The following DUSP8 variants were observed in gnomAD, a reference collection of about 807,000 sequenced individuals.
DUSP8 encodes the protein dual specificity protein phosphatase 8.
A neutral mutation model predicts 38.7 loss-of-function variants in DUSP8; 15 were observed. The observed-to-expected ratio is 0.39, with a 90% CI of 0.26 to 0.60. The LOEUF (loss-of-function observed/expected upper bound fraction) is 0.60. DUSP8 is among the 20% of genes least tolerant of loss of function. DUSP8 has a pLI of 0.56. For missense variants in DUSP8, 768 were observed against 915.0 expected (o/e 0.84, Z 2.07); for synonymous variants, 458 against 433.9 (o/e 1.06, Z -0.69).
In DUSP8 at chr11:1,563,503, G is replaced by A. The variant is rs540716507; in HGVS notation, c.370+348C>T. On this transcript the variant is annotated intron_variant, in intron 3 of 6. Coordinates refer to ENST00000397374, the MANE Select transcript of DUSP8 (RefSeq NM_004420.3). Reference sequence around the variant, plus strand: ...CTCAGCTGGGCTTTCGGAGGTGGGGGGACTTCCTCGGGACCCCACGGCTCC... The same window carrying A: ...CTCAGCTGGGCTTTCGGAGGTGGGGAGACTTCCTCGGGACCCCACGGCTCC... Among the ~76,000 whole-genome samples the A allele has an allele frequency of 3.3e-5, 5 of 152,164 alleles. No individual in the cohort carries two copies. The South Asian group carries it at 8.3e-4, about 25-fold the overall frequency.
At chr11:1,562,669 ACACACATACATGCATGCACATG>A (rs1477175813) in intron 3 of DUSP8, among the ~76,000 whole-genome samples, 2 of 149,348 alleles carry the variant, frequency 1.3e-5, no homozygotes, top group Non-Finnish European at 3.0e-5. Flanking sequence ...ATGTACATGC[ACACACATACATGCATGCACATG>A]CACACACACA....
chr11:1,571,029 C>T (rs1332507267), intron 1 of DUSP8, among the ~76,000 whole-genome samples: 2 of 152,044 alleles, frequency 1.3e-5, no homozygotes, highest in Admixed American at 6.5e-5. Flanking sequence ...CCCCGCCCCC[C>T]ATCACTGCAG....
chr11:1,570,872 G>A (rs573602383), intron 1 of DUSP8, among the ~76,000 whole-genome samples: 3 of 152,100 alleles, frequency 2.0e-5, no homozygotes, highest in Non-Finnish European at 4.4e-5. Context: ...GGAGAGTGCC[G>A]GGGTTTGGAT....
In DUSP8 at chr11:1,557,399, G is replaced by A; in HGVS notation, c.997C>T (p.Pro333Ser). The part of the protein sequence containing the change: ...PAAGAPLPRL[P>S]PPTSESAATG... The stretch of plus-strand genomic sequence containing the variant: ...GCAGCGCTCTCTGAGGTAGGTGGTG[G>A]CAGCCGTGGCAGCGGGGCCCCGGCG... The change falls in exon 7 of 7, where the codon CCA becomes TCA. Residue 333 changes from proline (P) to serine (S), a missense_variant. Physicochemically the swap from Pro to Ser is moderately conservative, Grantham distance 74. Around this residue, in one of 3 missense-constraint regions of DUSP8, gnomAD observed 474 missense variants for 430.8 expected, o/e 1.10. Coordinates refer to ENST00000397374, the MANE Select transcript of DUSP8 (RefSeq NM_004420.3). The surrounding 1 kb of genome is among the most constrained non-coding windows in gnomAD (Gnocchi z 9.9). 1 of 1,568,502 alleles carries A rather than the reference G, an allele frequency of 6.4e-7. No homozygotes were observed.
chr11:1,566,664 C>T (rs536957310), intron 1 of DUSP8, among the ~76,000 whole-genome samples: 33 of 152,302 alleles, frequency 2.2e-4, no homozygotes, highest in South Asian at 6.2e-4. Flanking sequence ...CCTGCAGGGG[C>T]GTGTTGCACC....
At position 1,558,053 on chromosome 11, in the gene DUSP8, A is replaced by C; in HGVS notation, c.697+59T>G. 6.2e-7 allele frequency: 1 copy of C among 1,611,454 alleles called. No homozygotes were observed. Among genetic ancestry groups the C allele is most frequent in the African/African-American group, 1.3e-5 (1 of 74,986 alleles). On this transcript the variant is annotated intron_variant, in intron 5 of 6. Transcript: ENST00000397374. This position sits in a 1 kb window ranked among gnomAD's most constrained non-coding sequence, Gnocchi z 6.3. Reference sequence around the variant, plus strand: ...GGGGACCCCTCCTGTGTCTGTGGCCACACACAGCTCTAGCCTTCCTCTAGC... The same window carrying C: ...GGGGACCCCTCCTGTGTCTGTGGCCCCACACAGCTCTAGCCTTCCTCTAGC...
In DUSP8 at chr11:1,558,198, C is replaced by A; in HGVS notation, c.611G>T (p.Cys204Phe). ...SNSCPKPDFI[C>F]ESRFMRVPIN... ...GGGGACCCGCATGAAGCGGCTCTCG[C>A]AGATGAAGTCAGGCTTGGGGCAGGA... Residue 204 changes from cysteine to phenylalanine, a missense_variant, in exon 5 of 7, where the codon TGC becomes TTC. By Grantham distance (205) the Cys-to-Phe change is radical (BLOSUM62 -2). Coordinates refer to ENST00000397374, the MANE Select transcript of DUSP8 (RefSeq NM_004420.3). This position sits in a 1 kb window ranked among gnomAD's most constrained non-coding sequence, Gnocchi z 6.3. 3 of 1,604,890 alleles carry A rather than the reference C, an allele frequency of 1.9e-6. No homozygotes were observed. Among genetic ancestry groups the A allele is most frequent in the Non-Finnish European group, 2.5e-6 (3 of 1,178,210 alleles).
At chr11:1,572,437 G>A (rs531497421), upstream of DUSP8, among the ~76,000 whole-genome samples, 106 of 149,622 alleles carry the variant, frequency 7.1e-4, 1 homozygote, top group African/African-American at 2.5e-3. This position sits in a 1 kb window ranked among gnomAD's most constrained non-coding sequence, Gnocchi z 4.7. Context: ...CGCGGGGGGG[G>A]GGCGGGGTGC....
chr11:1,555,498 G>A lies in DUSP8; in HGVS notation c.*1020C>T. The A allele has an allele frequency of 2.5e-6, 1 of 403,842 alleles. No homozygotes were observed. Among genetic ancestry groups the A allele is most frequent in the Non-Finnish European group, 3.3e-6 (1 of 298,848 alleles). The allele number at this position is 403,842 out of a possible 1,614,324, so 25.0% of individuals were successfully genotyped here. On this transcript the variant is annotated 3_prime_UTR_variant, in exon 7 of 7. Coordinates refer to ENST00000397374, the MANE Select transcript of DUSP8 (RefSeq NM_004420.3). ...TGGGGCATGGCTGGGAGGGGGGCGG[G>A]GCAGACCTGGAACAGAACCCTAAGA...
chr11:1,558,955 G>A lies in DUSP8; in HGVS notation c.471C>T (p.Pro157=), dbSNP rs776895482. ...MSLSQPCLPV[P]SVGLTRILPH... ...GCAGGATGCGGGTCAGGCCCACGCT[G>A]GGCACAGGCAGGCAGGGCTGGGAGA... The change falls in exon 4 of 7, where the codon CCC becomes CCT. Residue 157 remains proline, a synonymous_variant. Transcript: ENST00000397374. This position sits in a 1 kb window ranked among gnomAD's most constrained non-coding sequence, Gnocchi z 6.3. 6 of 1,613,022 alleles carry A rather than the reference G, an allele frequency of 3.7e-6. No individual in the cohort carries two copies. Among genetic ancestry groups the A allele is most frequent in the Admixed American group, 1.7e-5 (1 of 60,012 alleles).
chr11:1,560,152 G>A (rs900118176), intron 3 of DUSP8, among the ~76,000 whole-genome samples: 2 of 152,114 alleles, frequency 1.3e-5, no homozygotes, highest in Non-Finnish European at 2.9e-5. Flanking sequence ...CAGAACATAA[G>A]CCCCCATGGC....
In DUSP8 at chr11:1,563,663, T is replaced by C. The variant is rs1207683482; in HGVS notation, c.370+188A>G. On this transcript the variant is annotated intron_variant, in intron 3 of 6. Transcript: ENST00000397374. ...TGTACTGTGAGGTTTCCTTCTGTGT[T>C]GAGGATAGTCATATTGGTGGGTCCT... Among the ~76,000 whole-genome samples the C allele has an allele frequency of 2.0e-5, 3 of 152,118 alleles. No individual in the cohort carries two copies. In the East Asian group the frequency reaches 5.8e-4, roughly 29 times the overall value.
At chr11:1,569,283 C>T (rs965845178) in intron 1 of DUSP8, among the ~76,000 whole-genome samples, 2 of 152,110 alleles carry the variant, frequency 1.3e-5, no homozygotes, top group Non-Finnish European at 2.9e-5. Flanking sequence ...AAGGCTCCTC[C>T]CAGGCCCACA....
At chr11:1,572,430 G>A (rs1312415225), upstream of DUSP8, among the ~76,000 whole-genome samples, 1 of 114,130 alleles carries the variant, frequency 8.8e-6, no homozygotes, top group African/African-American at 3.0e-5. The surrounding 1 kb of genome is among the most constrained non-coding windows in gnomAD (Gnocchi z 4.7). Flanking sequence ...CGGCTGCCGC[G>A]GGGGGGGGGC....
chr11:1,557,596 C>G lies in DUSP8; in HGVS notation c.822-22G>C. 6.6e-7 allele frequency: 1 copy of G among 1,508,812 alleles called. No individual in the cohort carries two copies. Among genetic ancestry groups the G allele is most frequent in the Non-Finnish European group, 8.8e-7 (1 of 1,135,194 alleles). The allele number at this position is 1,508,812 out of a possible 1,614,324, so 93.5% of individuals were successfully genotyped here. A position where few individuals can be genotyped will look rare whatever the true frequency, so the allele number is the denominator to read the frequency against. On this transcript the variant is annotated intron_variant, in intron 6 of 6. Transcript: ENST00000397374. This position sits in a 1 kb window ranked among gnomAD's most constrained non-coding sequence, Gnocchi z 9.9. Reference sequence around the variant, plus strand: ...GAACCTGCGGGGGAGGAGGCTCAGTCCCAGGCGCCCGCCGGGGCCAGGCTG... The same window carrying G: ...GAACCTGCGGGGGAGGAGGCTCAGTGCCAGGCGCCCGCCGGGGCCAGGCTG...
chr11:1,565,524 T>C, intron 2 of DUSP8, 72 bp downstream of exon 2: 6 of 1,243,852 alleles, frequency 4.8e-6, no homozygotes, highest in Non-Finnish European at 6.8e-6. Context: ...AGGGGGGTGC[T>C]GCCCGAGCTG....
chr11:1,571,721 TC>T, intron 1 of DUSP8, 179 bp downstream of exon 1: 1 of 151,240 alleles, frequency 6.6e-6, no homozygotes, highest in East Asian at 2.0e-4. Flanking sequence ...GGAAGGGGCC[TC>T]CCTGTCCCTG....
intron 3 of DUSP8, among the ~76,000 whole-genome samples, chr11:1,561,116 A>G (rs999562379): frequency 1.3e-5 from 2 of 152,064 alleles, no homozygotes; most frequent in African/African-American, 4.8e-5. Context: ...GGGGTGAGTG[A>G]TAAGTGAGGG....
At position 1,554,853 on chromosome 11, in the gene DUSP8, TACA is replaced by T. The variant is rs952904539; in HGVS notation, c.*1662_*1664del. 14 of 785,368 alleles carry T rather than the reference TACA, an allele frequency of 1.8e-5. No homozygotes were observed. The African/African-American group carries it at 2.4e-4, about 14-fold the overall frequency. The allele number at this position is 785,368 out of a possible 1,614,324, so 48.6% of individuals were successfully genotyped here. On this transcript the variant is annotated 3_prime_UTR_variant, in exon 7 of 7. Coordinates refer to ENST00000397374, the MANE Select transcript of DUSP8 (RefSeq NM_004420.3). ...AAACCTCTAATCCATAGATTGCAAA[TACA>T]ACGATAGCTTATTTTCTTGGGGGAA...
Sources: allele counts gnomAD v4.1 joint callset (sites outside exome capture counted in the v4.1 genomes callset), GRCh38; gene constraint gnomAD v4.1.1; regional missense constraint gnomAD v4.1.1; non-coding constraint Gnocchi (gnomAD v3.1); transcripts MANE v1.5; gene names NCBI Gene and HGNC (gene_info 2026-07-23, HGNC 2026-07-21).